The following DEFB131A variants were observed in gnomAD, a reference collection of about 807,000 sequenced individuals.
DEFB131A encodes beta-defensin 131A.
In DEFB131A, 5 loss-of-function variants were observed where a neutral mutation model predicts 2.4. The observed-to-expected ratio is 2.12, with a 90% CI of 1.11 to 4.47. The LOEUF (loss-of-function observed/expected upper bound fraction) is 4.47. Among genes scored for constraint, DEFB131A ranks in the 30% most tolerant of loss-of-function variants. The probability of loss-of-function intolerance (pLI) is 0.00; values close to 1 mark genes in which losing one functional copy is unlikely to be tolerated. For missense variants in DEFB131A, 120 were observed against 79.9 expected (o/e 1.50, Z -1.91); for synonymous variants, 34 against 25.7 (o/e 1.32, Z -0.97).
chr4:9,444,834 G>A (rs569973842), intron 1 of DEFB131A, among the ~76,000 whole-genome samples: 1 of 151,812 alleles, frequency 6.6e-6, no homozygotes, highest in African/African-American at 2.4e-5. Flanking sequence ...CCAGCACTTG[G>A]GGAGTTTGAG....
intron 1 of DEFB131A, 51 bp from the exon 2 acceptor site, chr4:9,450,309 A>C: frequency 7.0e-7 from 1 of 1,424,600 alleles, no homozygotes; most frequent in Non-Finnish European, 9.2e-7. Context: ...GACATTTAAC[A>C]ATAAAAAGTA....
At position 9,450,418 on chromosome 4, in the gene DEFB131A, G is replaced by A; in HGVS notation, c.117G>A (p.Lys39=). Reference sequence around the variant, plus strand: ...CAGAATATTATCATTGCAGACTGAAGTGCAATGCTGATGAACATGCAATTA... The same window carrying A: ...CAGAATATTATCATTGCAGACTGAAATGCAATGCTGATGAACATGCAATTA... ...CPSEYYHCRL[K]CNADEHAIRY... Residue 39 remains lysine, a synonymous_variant, in exon 2 of 2, where the codon AAG becomes AAA. Coordinates refer to ENST00000334879, the MANE Select transcript of DEFB131A (RefSeq NM_001040448.3). 2 of 1,609,072 alleles carry A rather than the reference G, an allele frequency of 1.2e-6. No homozygotes were observed. Among genetic ancestry groups the A allele is most frequent in the African/African-American group, 1.3e-5 (1 of 74,926 alleles).
chr4:9,444,852 A>G (rs956641825), intron 1 of DEFB131A, among the ~76,000 whole-genome samples: 1 of 151,382 alleles, frequency 6.6e-6, no homozygotes, highest in Non-Finnish European at 1.5e-5. Context: ...GAGGTGGGTG[A>G]GCACAGGAGT....
intron 1 of DEFB131A, among the ~76,000 whole-genome samples, chr4:9,448,908 T>C (rs1717576197): frequency 6.6e-6 from 1 of 152,242 alleles, no homozygotes; most frequent in African/African-American, 2.4e-5. Context: ...TAAAATCATC[T>C]ATTTCCAAAT....
chr4:9,447,745 A>G (rs761857828), intron 1 of DEFB131A, among the ~76,000 whole-genome samples: 27 of 152,056 alleles, frequency 1.8e-4, no homozygotes, highest in Non-Finnish European at 3.2e-4. Context: ...TTATCTTCAA[A>G]TATGATTACA....
chr4:9,446,866 T>C (rs1717517268), intron 1 of DEFB131A, among the ~76,000 whole-genome samples: 1 of 152,206 alleles, frequency 6.6e-6, no homozygotes, highest in African/African-American at 2.4e-5. Context: ...AGAAGCATGT[T>C]GTTTAATTTC....
At chr4:9,447,020 G>A (rs1391717080) in intron 1 of DEFB131A, among the ~76,000 whole-genome samples, 1 of 152,060 alleles carries the variant, frequency 6.6e-6, no homozygotes, top group African/African-American at 2.4e-5. Context: ...GGTCCAGCCT[G>A]GAGAATGTTC....
chr4:9,445,600 A>G (rs1358272725), intron 1 of DEFB131A, among the ~76,000 whole-genome samples: 2 of 151,630 alleles, frequency 1.3e-5, no homozygotes, highest in Non-Finnish European at 2.9e-5. Flanking sequence ...TCCCTCATTT[A>G]TATAATACTT....
chr4:9,447,952 G>C (rs1405067403), intron 1 of DEFB131A, among the ~76,000 whole-genome samples: 1 of 151,976 alleles, frequency 6.6e-6, no homozygotes, highest in East Asian at 1.9e-4. Flanking sequence ...AATAAGTGTA[G>C]GCCAATTACA....
rs374005018 is a variant in DEFB131A, at chr4:9,448,925, AT to A, written c.59-1428del. Among the ~76,000 whole-genome samples the A allele has an allele frequency of 1.2e-4, 18 of 152,184 alleles. No homozygotes were observed. In the East Asian group the frequency reaches 1.9e-3, roughly 16 times the overall value. ...AAATCATCTATTTCCAAATGACATAATTTTTTTGTAAAAAACTCTAAACTTC... is the reference window on the plus strand; with the variant it reads ...AAATCATCTATTTCCAAATGACATAATTTTTTGTAAAAAACTCTAAACTTC... On this transcript the variant is annotated intron_variant, in intron 1 of 1. Coordinates refer to ENST00000334879, the MANE Select transcript of DEFB131A (RefSeq NM_001040448.3).
At chr4:9,448,525 G>A (rs1358702821) in intron 1 of DEFB131A, among the ~76,000 whole-genome samples, 1 of 152,032 alleles carries the variant, frequency 6.6e-6, no homozygotes, top group Non-Finnish European at 1.5e-5. Flanking sequence ...GATTCCGCTA[G>A]GTTAGCCAGG....
chr4:9,445,126 G>T (rs1717462283), intron 1 of DEFB131A, among the ~76,000 whole-genome samples: 1 of 151,984 alleles, frequency 6.6e-6, no homozygotes, highest in Admixed American at 6.6e-5. Context: ...AGTTATGTTT[G>T]ATCAAAAGAT....
chr4:9,444,931 A>T (rs941441336), intron 1 of DEFB131A, among the ~76,000 whole-genome samples: 3 of 151,882 alleles, frequency 2.0e-5, no homozygotes, highest in African/African-American at 7.2e-5. Context: ...AAAATACAAA[A>T]AATTAATCAG....
intron 1 of DEFB131A, among the ~76,000 whole-genome samples, chr4:9,445,978 G>T (rs1338534681): frequency 6.6e-6 from 1 of 152,042 alleles, no homozygotes; most frequent in Non-Finnish European, 1.5e-5. Context: ...ATTCATCCAT[G>T]TTGTGGCATA....
At chr4:9,445,578 A>G (rs1283883331) in intron 1 of DEFB131A, among the ~76,000 whole-genome samples, 5 of 151,352 alleles carry the variant, frequency 3.3e-5, no homozygotes, top group East Asian at 1.9e-4. Flanking sequence ...TTAATACTTA[A>G]CAATTCAAGA....
rs759649702 is a variant in DEFB131A, at chr4:9,444,510, C to T, written c.-24C>T. On this transcript the variant is annotated 5_prime_UTR_variant, in exon 1 of 2. Coordinates refer to ENST00000334879, the MANE Select transcript of DEFB131A (RefSeq NM_001040448.3). Reference sequence around the variant, plus strand: ...TCTTCATCTCAGCTACTGATTCTCTCTAACCTGCTTTACCTATTCAACCAT... The same window carrying T: ...TCTTCATCTCAGCTACTGATTCTCTTTAACCTGCTTTACCTATTCAACCAT... 1 of 1,610,516 alleles carries T rather than the reference C, an allele frequency of 6.2e-7. No homozygotes were observed. The highest frequency in any genetic ancestry group is 8.5e-7 in the Non-Finnish European group (1 of 1,179,266).
At chr4:9,450,171 C>T (rs1041057344) in intron 1 of DEFB131A, among the ~76,000 whole-genome samples, 189 bp from the exon 2 acceptor site, 1 of 152,172 alleles carries the variant, frequency 6.6e-6, no homozygotes, top group African/African-American at 2.4e-5. Flanking sequence ...TTTATCTACT[C>T]TCTTTATAGA....
chr4:9,450,453 C>A lies in DEFB131A; in HGVS notation c.152C>A (p.Ala51Asp), dbSNP rs77388586. 5.8e-5 allele frequency: 93 copies of A among 1,610,840 alleles called. No individual in the cohort carries two copies. Among genetic ancestry groups the A allele is most frequent in the Non-Finnish European group, 7.5e-5 (88 of 1,179,332 alleles). Residue 51 changes from alanine (A) to aspartate (D), a missense_variant, in exon 2 of 2, where the codon GCT becomes GAT. Transcript: ENST00000334879. ...GATGAACATGCAATTAGATACTGTGCTGACTTCAGCATCTGCTGCAAACTG... is the reference window on the plus strand; with the variant it reads ...GATGAACATGCAATTAGATACTGTGATGACTTCAGCATCTGCTGCAAACTG... ...NADEHAIRYC[A>D]DFSICCKLKI...
rs546148249 is a variant in DEFB131A, at chr4:9,449,615, C to T, written c.59-745C>T. ...CTTATAGAAGAAAACATAAGGAGAA[C>T]CTTTCATGATGTTGGTCATGGCAAT... On this transcript the variant is annotated intron_variant, in intron 1 of 1. Coordinates refer to ENST00000334879, the MANE Select transcript of DEFB131A (RefSeq NM_001040448.3). 5.9e-5 allele frequency among the ~76,000 whole-genome samples: 9 copies of T among 151,660 alleles called. No homozygotes were observed. The East Asian group carries it at 1.6e-3, about 26-fold the overall frequency.
Sources: gnomAD v4.1 joint callset for allele counts (sites outside exome capture counted in the v4.1 genomes callset) on GRCh38, gnomAD v4.1.1 for gene constraint, MANE v1.5 for transcripts, NCBI Gene and HGNC (gene_info 2026-07-23, HGNC 2026-07-21) for gene names.